DLG2: variants seen among roughly 807,000 people sequenced by gnomAD.
The protein encoded by DLG2 is discs large MAGUK scaffold protein 2.
DLG2 carries 45 observed loss-of-function variants against 132.5 expected under a neutral mutation model. The ratio of observed to expected loss-of-function variants is 0.34; its 90% confidence interval spans 0.27 to 0.44. The LOEUF is 0.44. DLG2 is among the 20% of genes least tolerant of loss of function. The pLI is 1.00. For synonymous variants in DLG2, 424 were observed against 419.6 expected (o/e 1.01, Z -0.13); for missense variants, 1,045 against 1,196.9 (o/e 0.87, Z 1.87).
At chr11:85,251,358 T>C (rs1410235249) in intron 4 of DLG2, among the ~76,000 whole-genome samples, 2 of 152,212 alleles carry the variant, frequency 1.3e-5, no homozygotes, top group Non-Finnish European at 2.9e-5. Context: ...AGCACATCGT[T>C]ATATATATCC....
chr11:84,286,420 G>A (rs1057499116), intron 7 of DLG2, among the ~76,000 whole-genome samples: 1 of 152,144 alleles, frequency 6.6e-6, no homozygotes, highest in Admixed American at 6.5e-5. Flanking sequence ...TAGTCTTGTG[G>A]TCTACTCTAG....
intron 2 of DLG2, among the ~76,000 whole-genome samples, chr11:85,622,170 C>T (rs1003617930): frequency 1.3e-5 from 2 of 152,066 alleles, no homozygotes; most frequent in Non-Finnish European, 2.9e-5. Context: ...ACTTAAAGTA[C>T]GTACATTGTT....
chr11:83,953,038 C>A (rs774578537), intron 14 of DLG2, among the ~76,000 whole-genome samples: 3 of 152,076 alleles, frequency 2.0e-5, no homozygotes, highest in Non-Finnish European at 4.4e-5. Flanking sequence ...TGTGTTTTTA[C>A]ACAGTTATAG....
intron 16 of DLG2, among the ~76,000 whole-genome samples, chr11:83,845,159 A>G (rs141076659): frequency 6.6e-6 from 1 of 152,178 alleles, no homozygotes; most frequent in Admixed American, 6.5e-5. Flanking sequence ...GTCTACAGCT[A>G]GTCTTCCTGA....
intron 6 of DLG2, among the ~76,000 whole-genome samples, chr11:85,076,080 C>T (rs1370394111): frequency 6.6e-6 from 1 of 151,906 alleles, no homozygotes; most frequent in Non-Finnish European, 1.5e-5. Context: ...GTTGGTCAAT[C>T]TTTCATCAAA....
At chr11:84,357,459 T>C (rs74862296) in intron 7 of DLG2, among the ~76,000 whole-genome samples, 9 of 152,120 alleles carry the variant, frequency 5.9e-5, no homozygotes, top group African/African-American at 9.6e-5. Context: ...CATTTTCCTC[T>C]CCTTCATAGA....
intron 19 of DLG2, among the ~76,000 whole-genome samples, chr11:83,595,931 C>A (rs2057504605): frequency 6.6e-6 from 1 of 152,024 alleles, no homozygotes; most frequent in Non-Finnish European, 1.5e-5. Context: ...CAAAATGTTA[C>A]CCAGATGCAA....
chr11:85,559,155 A>AC (rs1555183652), intron 3 of DLG2, among the ~76,000 whole-genome samples: 18 of 140,372 alleles, frequency 1.3e-4, no homozygotes, highest in African/African-American at 4.4e-4. Context: ...TATTATTATT[A>AC]TTTTTTTTTT....
chr11:84,268,394 A>T (rs10792747), intron 7 of DLG2, among the ~76,000 whole-genome samples: 86,894 of 151,302 alleles, frequency 0.57, 25,145 homozygotes, highest in Middle Eastern at 0.65. Context: ...TGAGGTTGGA[A>T]CACTGAGTTC....
At chr11:84,713,589 T>G (rs2060688355) in intron 6 of DLG2, among the ~76,000 whole-genome samples, 1 of 152,104 alleles carries the variant, frequency 6.6e-6, no homozygotes, top group African/African-American at 2.4e-5. Context: ...TAACAGAGTT[T>G]TAACCCGATT....
At chr11:85,603,351 G>T (rs1279515575) in intron 2 of DLG2, among the ~76,000 whole-genome samples, 1 of 152,046 alleles carries the variant, frequency 6.6e-6, no homozygotes, top group Non-Finnish European at 1.5e-5. Flanking sequence ...ACCACTGTAG[G>T]TGATCAACAA....
At chr11:83,625,089 T>C (rs752810699) in intron 19 of DLG2, among the ~76,000 whole-genome samples, 4 of 152,194 alleles carry the variant, frequency 2.6e-5, no homozygotes, top group Non-Finnish European at 1.5e-5. Flanking sequence ...ATAAGAATTA[T>C]GAGGAAATGA....
intron 6 of DLG2, among the ~76,000 whole-genome samples, chr11:84,867,828 A>G (rs1359279564): frequency 6.6e-6 from 1 of 152,138 alleles, no homozygotes; most frequent in Non-Finnish European, 1.5e-5. Flanking sequence ...TAATCCCACC[A>G]CTTTGGGAGG....
intron 6 of DLG2, among the ~76,000 whole-genome samples, chr11:84,749,098 C>T (rs1457766860): frequency 2.0e-5 from 3 of 151,948 alleles, no homozygotes; most frequent in African/African-American, 7.3e-5. Context: ...GCTTTATAAC[C>T]CACCCTCCCT....
chr11:84,536,184 T>G (rs2099355197), intron 6 of DLG2, among the ~76,000 whole-genome samples: 1 of 152,174 alleles, frequency 6.6e-6, no homozygotes, highest in Admixed American at 6.5e-5. Context: ...TCCAAAGAAC[T>G]CTCACAAACT....
At chr11:85,085,004 A>C (rs2067727337) in intron 6 of DLG2, among the ~76,000 whole-genome samples, 1 of 152,178 alleles carries the variant, frequency 6.6e-6, no homozygotes, top group African/African-American at 2.4e-5. Context: ...CCAGAGTTTG[A>C]AGGTCTACCT....
chr11:84,545,220 A>G (rs1315670574), intron 6 of DLG2: 4 of 464,102 alleles, frequency 8.6e-6, no homozygotes, highest in Admixed American at 6.9e-5. Flanking sequence ...ATTGTCCTTC[A>G]TCACCAGAGG....
Position 84,513,936 on chromosome 11 carries a change from A to G in DLG2, c.519+20634T>C, listed in dbSNP as rs1428628689. On this transcript the variant is annotated intron_variant, in intron 7 of 27. Coordinates refer to ENST00000376104, the MANE Select transcript of DLG2 (RefSeq NM_001142699.3). ...AAATGGGAGAAATCATTTGCCAGTT[A>G]CCTGTCTGACAAGGGATTATAGCCA... 2.6e-5 allele frequency among the ~76,000 whole-genome samples: 4 copies of G among 152,214 alleles called. No individual in the cohort carries two copies. In the East Asian group the frequency reaches 7.7e-4, roughly 29 times the overall value.
intron 4 of DLG2, among the ~76,000 whole-genome samples, chr11:85,213,378 A>C (rs1210150535): frequency 6.6e-6 from 1 of 151,556 alleles, no homozygotes; most frequent in Non-Finnish European, 1.5e-5. Flanking sequence ...TAGTCCAGAA[A>C]GGCAGGACAA....
Sources: gnomAD v4.1 joint callset for allele counts (sites outside exome capture counted in the v4.1 genomes callset) on GRCh38, gnomAD v4.1.1 for gene constraint, MANE v1.5 for transcripts, NCBI Gene and HGNC (gene_info 2026-07-23, HGNC 2026-07-21) for gene names.